Variants in POU3F3 observed in about 807,000 individuals in gnomAD.
POU3F3 encodes POU class 3 homeobox 3.
Under a neutral mutation model 8.6 loss-of-function variants are expected in POU3F3, and 1 was observed. The observed-to-expected ratio is 0.12, with a 90% confidence interval of 0.04 to 0.55. The LOEUF is 0.55. Among genes scored for constraint, POU3F3 ranks in the 20% least tolerant of loss-of-function variants. The pLI, the probability that POU3F3 is intolerant of heterozygous loss-of-function variation, is 0.91. For synonymous variants in POU3F3, 418 were observed against 327.4 expected, an observed-to-expected ratio of 1.28 and a Z score of -2.99; for missense variants, 577 against 690.7, an observed-to-expected ratio of 0.84 and a Z score of 1.84.
At chr2:104,923,824 A>C in the POU3F3 span, among the ~76,000 whole-genome samples, 1 of 152,218 alleles carries the variant, frequency 6.6e-6, no homozygotes, top group Non-Finnish European at 1.5e-5. Flanking sequence ...TTGAAAGTGA[A>C]AGGACGAGAA....
the POU3F3 span, among the ~76,000 whole-genome samples, chr2:104,901,349 C>T: frequency 6.6e-6 from 1 of 152,168 alleles, no homozygotes; most frequent in African/African-American, 2.4e-5. Flanking sequence ...TAATAAATTC[C>T]TGCAAATTGG....
At chr2:104,893,873 A>G in the POU3F3 span, among the ~76,000 whole-genome samples, 1 of 147,006 alleles carries the variant, frequency 6.8e-6, no homozygotes. Context: ...ACAAGAGCAA[A>G]ACTCTGTCTC....
At chr2:104,912,929 C>G in the POU3F3 span, among the ~76,000 whole-genome samples, 1 of 152,230 alleles carries the variant, frequency 6.6e-6, no homozygotes, top group Non-Finnish European at 1.5e-5. Context: ...TATGTTCAAG[C>G]ATTACTCATC....
the POU3F3 span, chr2:104,925,873 C>T: frequency 7.6e-4 from 116 of 152,188 alleles, 2 homozygotes; most frequent in Non-Finnish European, 3.5e-4. Flanking sequence ...CCATTTTGGA[C>T]GAGTGTCTTA....
At chr2:104,898,597 C>A in the POU3F3 span, among the ~76,000 whole-genome samples, 1 of 152,134 alleles carries the variant, frequency 6.6e-6, no homozygotes, top group Non-Finnish European at 1.5e-5. Flanking sequence ...TATTTTATGA[C>A]TATGAAGTAA....
At chr2:104,885,637 A>G in the POU3F3 span, among the ~76,000 whole-genome samples, 1 of 152,316 alleles carries the variant, frequency 6.6e-6, no homozygotes, top group East Asian at 1.9e-4. Context: ...TATATGGTGT[A>G]AAAAGGGAAG....
the POU3F3 span, among the ~76,000 whole-genome samples, chr2:104,890,748 C>G: frequency 6.6e-6 from 1 of 152,192 alleles, no homozygotes; most frequent in Non-Finnish European, 1.5e-5. Context: ...TTCCTCCACA[C>G]TCGGGTAAAA....
chr2:104,867,776 G>A, the POU3F3 span: 1 of 164,364 alleles, frequency 6.1e-6, no homozygotes, highest in Non-Finnish European at 1.3e-5. The surrounding 1 kb of genome is among the most constrained non-coding windows in gnomAD (Gnocchi z 5.0). Context: ...GAGCGTTCGA[G>A]AAGCCGGGAG....
At chr2:104,923,666 G>A in the POU3F3 span, among the ~76,000 whole-genome samples, 1 of 152,124 alleles carries the variant, frequency 6.6e-6, no homozygotes, top group Admixed American at 6.5e-5. Flanking sequence ...AATGACACAA[G>A]TAAGTTTCTC....
chr2:104,906,017 G>T, the POU3F3 span, among the ~76,000 whole-genome samples: 1 of 152,136 alleles, frequency 6.6e-6, no homozygotes, highest in African/African-American at 2.4e-5. Flanking sequence ...GTTTTTGGTT[G>T]GCTTGCTTGC....
chr2:104,853,596 CCG>C (rs1463731006), upstream of POU3F3: 1 of 152,342 alleles, frequency 6.6e-6, no homozygotes, highest in Non-Finnish European at 1.5e-5. Flanking sequence ...TACATCCGTG[CCG>C]CGCGCTTTAC....
At chr2:104,926,624 C>T in the POU3F3 span, among the ~76,000 whole-genome samples, 1 of 152,176 alleles carries the variant, frequency 6.6e-6, no homozygotes, top group Non-Finnish European at 1.5e-5. Context: ...ATAAATCATT[C>T]TGCTATAAAG....
At chr2:104,854,078 T>C (rs1430830314), upstream of POU3F3, among the ~76,000 whole-genome samples, 1 of 151,672 alleles carries the variant, frequency 6.6e-6, no homozygotes, top group Non-Finnish European at 1.5e-5. The surrounding 1 kb of genome is among the most constrained non-coding windows in gnomAD (Gnocchi z 4.5). Flanking sequence ...TTTGGGAAAG[T>C]GTGGTGGTGG....
the POU3F3 span, among the ~76,000 whole-genome samples, chr2:104,918,890 T>G: frequency 6.6e-6 from 1 of 151,694 alleles, no homozygotes; most frequent in Non-Finnish European, 1.5e-5. Context: ...CTTTTTTTTT[T>G]TTTTTGAGAT....
At chr2:104,868,995 C>A in the POU3F3 span, among the ~76,000 whole-genome samples, 2 of 152,080 alleles carry the variant, frequency 1.3e-5, no homozygotes, top group Admixed American at 1.3e-4. Flanking sequence ...TCCAAAAATG[C>A]AATCTTAAGC....
At chr2:104,907,820 T>C in the POU3F3 span, among the ~76,000 whole-genome samples, 1 of 152,214 alleles carries the variant, frequency 6.6e-6, no homozygotes, top group African/African-American at 2.4e-5. Flanking sequence ...ATAACATTGG[T>C]GATAACGGGG....
At position 104,857,532 on chromosome 2, in the gene POU3F3, A is replaced by AAGAG. The variant is rs886497471; in HGVS notation, c.*530_*533dup. The AAGAG allele has an allele frequency of 6.5e-6, 1 of 153,420 alleles. No homozygotes were observed. The highest frequency in any genetic ancestry group is 1.5e-5 in the Non-Finnish European group (1 of 67,974). 9.5% of individuals were successfully genotyped at this position (153,420 alleles called of 1,614,324 possible). On this transcript the variant is annotated 3_prime_UTR_variant, in exon 1 of 1. Transcript: ENST00000361360. ...GCCTCGTCTTCTCCTCTTTGAAAAA[A>AAGAG]AGAGAGAGAGAGAGTCCCCTTTCCT...
rs908486338 is a variant in POU3F3, at chr2:104,857,641, C to T, written c.*628C>T. 16 of 153,650 alleles carry T rather than the reference C, an allele frequency of 1.0e-4. No homozygotes were observed. The East Asian group carries it at 2.5e-3, about 24-fold the overall frequency. 9.5% of individuals were successfully genotyped at this position (153,650 alleles called of 1,614,324 possible). On this transcript the variant is annotated 3_prime_UTR_variant, in exon 1 of 1. Transcript: ENST00000361360. ...GGAGCGACCTGAGAGAAAACAGAGG[C>T]ACCAGGTTCCATCAGGGGACGACAC...
chr2:104,907,240 A>C, the POU3F3 span, among the ~76,000 whole-genome samples: 1 of 152,020 alleles, frequency 6.6e-6, no homozygotes, highest in Non-Finnish European at 1.5e-5. Context: ...ATCACATCTC[A>C]GCTCCTATTC....
Sources: gnomAD v4.1 joint callset for allele counts (sites outside exome capture counted in the v4.1 genomes callset) on GRCh38, gnomAD v4.1.1 for gene constraint, Gnocchi (gnomAD v3.1) non-coding constraint, MANE v1.5 for transcripts, NCBI Gene and HGNC (gene_info 2026-07-23, HGNC 2026-07-21) for gene names.